Variants in HSF5 observed in about 807,000 individuals in gnomAD.
HSF5 encodes the protein heat shock factor protein 5.
Under a neutral mutation model 50.8 loss-of-function variants are expected in HSF5, and 5 were observed. The observed-to-expected ratio is 0.10, with a 90% confidence interval of 0.05 to 0.21. The LOEUF (loss-of-function observed/expected upper bound fraction) is 0.21. Among genes scored for constraint, HSF5 ranks in the 10% least tolerant of loss-of-function variants. The probability of loss-of-function intolerance (pLI) is 1.00; values close to 1 mark genes in which losing one functional copy is unlikely to be tolerated. For synonymous variants in HSF5, 307 were observed against 307.4 expected, an observed-to-expected ratio of 1.00 and a Z score of 0.02; for missense variants, 564 against 762.6, an observed-to-expected ratio of 0.74 and a Z score of 3.07.
At chr17:58,476,873 T>C in intron 2 of HSF5, 1 of 1,344,406 alleles carries the variant, frequency 7.4e-7, no homozygotes, top group South Asian at 1.2e-5. Context: ...TTGCTGTTTT[T>C]TTTTTCCTGA....
intron 2 of HSF5, among the ~76,000 whole-genome samples, chr17:58,472,281 A>C (rs544840774): frequency 6.6e-6 from 1 of 152,272 alleles, no homozygotes; most frequent in South Asian, 2.1e-4. Context: ...AGTCTGGACA[A>C]CAAAGCAAGA....
At chr17:58,480,762 G>GCTATCGATCTAT (rs71365893) in intron 1 of HSF5, among the ~76,000 whole-genome samples, 19 of 146,486 alleles carry the variant, frequency 1.3e-4, no homozygotes, top group South Asian at 1.1e-3. Context: ...AACGCTCTTT[G>GCTATCGATCTAT]CTATCTATCT....
At chr17:58,446,526 G>A (rs1270617931) in intron 5 of HSF5, among the ~76,000 whole-genome samples, 2 of 152,282 alleles carry the variant, frequency 1.3e-5, no homozygotes, top group East Asian at 3.9e-4. Flanking sequence ...CCATGCCAGT[G>A]CCCATGGAAG....
intron 4 of HSF5, among the ~76,000 whole-genome samples, chr17:58,459,658 A>AAG (rs1974763814): frequency 6.6e-6 from 1 of 151,668 alleles, no homozygotes; most frequent in Non-Finnish European, 1.5e-5. Context: ...AAAAAAAAAA[A>AAG]AAAAGGTTTT....
chr17:58,436,840 TAAC>T (rs890599740), intron 5 of HSF5, among the ~76,000 whole-genome samples: 1 of 150,076 alleles, frequency 6.7e-6, no homozygotes, highest in Non-Finnish European at 1.5e-5. Flanking sequence ...AAACCAACCA[TAAC>T]AACAACAACA....
At chr17:58,459,634 G>A (rs1974762876) in intron 4 of HSF5, among the ~76,000 whole-genome samples, 1 of 143,076 alleles carries the variant, frequency 7.0e-6, no homozygotes, top group Non-Finnish European at 1.5e-5. Context: ...GCAACAGAGT[G>A]AGACTACATC....
At chr17:58,428,605 G>A (rs950637968) in intron 5 of HSF5, among the ~76,000 whole-genome samples, 2 of 151,462 alleles carry the variant, frequency 1.3e-5, no homozygotes, top group African/African-American at 2.4e-5. Flanking sequence ...CTTGCAGTGA[G>A]CCGAGATCAC....
At chr17:58,465,187 T>C (rs925518802) in intron 3 of HSF5, among the ~76,000 whole-genome samples, 9 of 137,694 alleles carry the variant, frequency 6.5e-5, no homozygotes, top group African/African-American at 2.2e-4. Flanking sequence ...CTTTTCTTTT[T>C]TTTTTTTTTT....
At chr17:58,471,105 C>T (rs1164844768) in intron 2 of HSF5, among the ~76,000 whole-genome samples, 1 of 151,958 alleles carries the variant, frequency 6.6e-6, no homozygotes, top group South Asian at 2.1e-4. Flanking sequence ...TACAGAGTTT[C>T]GGTTGGGGAA....
intron 5 of HSF5, among the ~76,000 whole-genome samples, chr17:58,447,564 A>G (rs1974577051): frequency 6.6e-6 from 1 of 152,104 alleles, no homozygotes; most frequent in Non-Finnish European, 1.5e-5. Context: ...AAGAGAGGGA[A>G]GAGTGTAGGG....
chr17:58,466,929 C>T lies in HSF5; in HGVS notation c.976G>A (p.Val326Ile), dbSNP rs1974875551. 6.2e-7 allele frequency: 1 copy of T among 1,611,866 alleles called. No individual in the cohort carries two copies. The highest frequency in any genetic ancestry group is 8.5e-7 in the Non-Finnish European group (1 of 1,177,990). Residue 326 changes from valine to isoleucine, a missense_variant, in exon 3 of 6, where the codon GTC becomes ATC. Physicochemically the swap from Val to Ile is conservative, Grantham distance 29. Transcript: ENST00000323777. The part of the protein sequence containing the change: ...PTHMDALSSC[V>I]TPTASSYAHC... Reference sequence around the variant, plus strand: ...GCATAGGAAGAGGCAGTGGGAGTGACACAACTACTTAGAGCATCCATGTGG... The same window carrying T: ...GCATAGGAAGAGGCAGTGGGAGTGATACAACTACTTAGAGCATCCATGTGG...
intron 5 of HSF5, among the ~76,000 whole-genome samples, chr17:58,429,543 A>G (rs1323490916): frequency 1.3e-5 from 2 of 151,728 alleles, no homozygotes; most frequent in African/African-American, 4.8e-5. Context: ...AAAAAAATAA[A>G]AACTAAAAAA....
chr17:58,459,985 C>T (rs1974769260), intron 4 of HSF5, among the ~76,000 whole-genome samples: 2 of 151,888 alleles, frequency 1.3e-5, no homozygotes, highest in Admixed American at 1.3e-4. Flanking sequence ...AAGCTTTAGC[C>T]CCTATAAAAT....
At chr17:58,434,466 C>G (rs1447069043) in intron 5 of HSF5, among the ~76,000 whole-genome samples, 1 of 151,596 alleles carries the variant, frequency 6.6e-6, no homozygotes, top group Non-Finnish European at 1.5e-5. Context: ...GCAGGAGAAT[C>G]GCTTGACCTG....
chr17:58,424,073 A>C (rs1301556019), intron 5 of HSF5, among the ~76,000 whole-genome samples: 1 of 152,188 alleles, frequency 6.6e-6, no homozygotes, highest in Non-Finnish European at 1.5e-5. Flanking sequence ...GTGCTTACTC[A>C]TCTGGTGAAC....
chr17:58,464,628 T>A (rs1248997532), intron 3 of HSF5, among the ~76,000 whole-genome samples: 1 of 152,236 alleles, frequency 6.6e-6, no homozygotes, highest in African/African-American at 2.4e-5. Context: ...ATTGTCTTTT[T>A]AAAATTTTTT....
intron 5 of HSF5, among the ~76,000 whole-genome samples, chr17:58,440,678 G>T (rs1004926516): frequency 6.6e-6 from 1 of 152,140 alleles, no homozygotes; most frequent in Admixed American, 6.5e-5. Flanking sequence ...CCAGAATTCA[G>T]CAAGAAAACA....
chr17:58,422,160 G>C lies in HSF5; in HGVS notation c.*200C>G, dbSNP rs9912457. 1,774 of 521,848 alleles carry C rather than the reference G, an allele frequency of 3.4e-3. 21 individuals are homozygous for C. The highest frequency in any genetic ancestry group is 0.028 in the African/African-American group (1,471 of 51,948). 32.3% of individuals were successfully genotyped at this position (521,848 alleles called of 1,614,324 possible). ...GTGGCTGCTAGATGTTCAGTAGTTT[G>C]TCAAGGCAGATAATCTGAACTGAAC... On this transcript the variant is annotated 3_prime_UTR_variant, in exon 6 of 6. Coordinates refer to ENST00000323777, the MANE Select transcript of HSF5 (RefSeq NM_001080439.3).
At chr17:58,455,283 A>G (rs185691834) in intron 5 of HSF5, among the ~76,000 whole-genome samples, 1 of 152,300 alleles carries the variant, frequency 6.6e-6, no homozygotes, top group Admixed American at 6.5e-5. Context: ...TATGCAGAAG[A>G]AGGAAACTAA....
Sources: gnomAD v4.1 joint callset for allele counts (sites outside exome capture counted in the v4.1 genomes callset) on GRCh38, gnomAD v4.1.1 for gene constraint, MANE v1.5 for transcripts, NCBI Gene and HGNC (gene_info 2026-07-23, HGNC 2026-07-21) for gene names.